Variants in PRKG1 observed in about 807,000 individuals in gnomAD.
PRKG1 encodes the protein protein kinase cGMP-dependent 1.
A neutral mutation model predicts 88.1 loss-of-function variants in PRKG1; 35 were observed. The ratio of observed to expected loss-of-function variants is 0.40; its 90% CI spans 0.30 to 0.53. The LOEUF is 0.53. PRKG1 is among the 20% of genes least tolerant of loss of function. PRKG1 has a pLI of 0.59. For synonymous variants in PRKG1, 303 were observed against 292.5 expected (o/e 1.04, Z -0.37); for missense variants, 540 against 839.8 (o/e 0.64, Z 4.41).
intron 8 of PRKG1, among the ~76,000 whole-genome samples, chr10:52,159,613 GT>G (rs559637593): frequency 6.6e-6 from 1 of 151,630 alleles, no homozygotes; most frequent in East Asian, 1.9e-4. Context: ...ATTTTGTGGA[GT>G]TTTAATCTAG....
chr10:52,080,464 G>T (rs527494358), intron 7 of PRKG1, among the ~76,000 whole-genome samples: 1 of 152,136 alleles, frequency 6.6e-6, no homozygotes, highest in Non-Finnish European at 1.5e-5. Context: ...AAAAAACTTC[G>T]TAAAGATGGT....
chr10:52,013,410 C>T (rs576917006), intron 5 of PRKG1, among the ~76,000 whole-genome samples: 10 of 141,176 alleles, frequency 7.1e-5, no homozygotes, highest in African/African-American at 2.7e-4. Context: ...CAGAGCGAGA[C>T]TCCGTCTCAA....
chr10:51,801,211 G>A (rs1023030881), intron 3 of PRKG1, among the ~76,000 whole-genome samples: 2 of 152,080 alleles, frequency 1.3e-5, no homozygotes, highest in African/African-American at 2.4e-5. Context: ...TATGGTCTCT[G>A]TTGCAATTAC....
rs76490646 is a variant in PRKG1, at chr10:51,473,792, G to A, written c.592+5956G>A. The stretch of plus-strand genomic sequence containing the variant: ...TTAGCTGTTTTTGTTAGTTAATCCT[G>A]CAGAAGCAGCAGTTTTCCCACAAAA... On this transcript the variant is annotated intron_variant, in intron 3 of 17. Transcript: ENST00000373980. Among the ~76,000 whole-genome samples, 1,307 of 150,604 alleles carry A rather than the reference G, an allele frequency of 8.7e-3. 13 individuals are homozygous for A. Among genetic ancestry groups the A allele is most frequent in the African/African-American group, 0.03 (1,242 of 41,066 alleles).
intron 7 of PRKG1, among the ~76,000 whole-genome samples, chr10:52,121,882 G>A (rs1847826871): frequency 6.6e-6 from 1 of 152,022 alleles, no homozygotes; most frequent in South Asian, 2.1e-4. Flanking sequence ...TTTTTTTCCT[G>A]GGCTGCTGCT....
chr10:51,998,492 T>G (rs563620260), intron 5 of PRKG1, among the ~76,000 whole-genome samples: 102 of 152,320 alleles, frequency 6.7e-4, no homozygotes, highest in African/African-American at 2.4e-3. Flanking sequence ...ATGATGCATT[T>G]GGAAAGATGT....
In PRKG1 at chr10:51,192,714, A is replaced by G. The variant is rs554012960; in HGVS notation, c.478+39384A>G. 2.6e-5 allele frequency among the ~76,000 whole-genome samples: 4 copies of G among 152,114 alleles called. No homozygotes were observed. In the East Asian group the frequency reaches 7.7e-4, roughly 29 times the overall value. ...CCCAAATTAACTTCTAAATTAATGG[A>G]TTATCAGTCAATATGATAAAGAGAA... is the stretch of plus-strand genomic sequence containing the variant. On this transcript the variant is annotated intron_variant, in intron 2 of 17. Transcript: ENST00000373980.
chr10:51,463,157 G>A (rs1187118495), intron 2 of PRKG1, among the ~76,000 whole-genome samples: 2 of 151,874 alleles, frequency 1.3e-5, no homozygotes, highest in East Asian at 3.9e-4. Context: ...CTAAACTGAA[G>A]TATTAAAACA....
In PRKG1 at chr10:51,712,580, C is replaced by CTT. The variant is rs60053336; in HGVS notation, c.593-91979_593-91978dup. On this transcript the variant is annotated intron_variant, in intron 3 of 17. Coordinates refer to ENST00000373980, the MANE Select transcript of PRKG1 (RefSeq NM_006258.4). ...AAATGTTGACTCTAAAATATTATTCCTTTTTTTTTTTTTTTTTTTTTTTTT... is the reference window on the plus strand; with the variant it reads ...AAATGTTGACTCTAAAATATTATTCCTTTTTTTTTTTTTTTTTTTTTTTTTTT... 1.9e-3 allele frequency among the ~76,000 whole-genome samples: 182 copies of CTT among 96,038 alleles called. 4 individuals carry two copies. The highest frequency in any genetic ancestry group is 2.4e-3 in the Non-Finnish European group (116 of 48,692). The allele number at this position is 96,038 out of a possible 152,430, so 63.0% of individuals were successfully genotyped here. A position where few individuals can be genotyped will look rare whatever the true frequency, so the allele number is the denominator to read the frequency against.
chr10:51,990,827 T>C (rs1184517846), intron 5 of PRKG1, among the ~76,000 whole-genome samples: 1 of 152,042 alleles, frequency 6.6e-6, no homozygotes, highest in Non-Finnish European at 1.5e-5. Context: ...TTTGGTTTTC[T>C]GTTTCTGTGT....
At chr10:52,110,911 A>G (rs1449856464) in intron 7 of PRKG1, among the ~76,000 whole-genome samples, 1 of 152,172 alleles carries the variant, frequency 6.6e-6, no homozygotes, top group Non-Finnish European at 1.5e-5. Context: ...AAAGTGCCCA[A>G]GCAGAAATGT....
chr10:51,755,042 A>G, intron 3 of PRKG1, among the ~76,000 whole-genome samples: 1 of 151,860 alleles, frequency 6.6e-6, no homozygotes, highest in East Asian at 1.9e-4. Flanking sequence ...ACACATATGT[A>G]TTAGCTACAT....
chr10:51,204,126 C>G (rs181148854), intron 2 of PRKG1, among the ~76,000 whole-genome samples: 1 of 152,274 alleles, frequency 6.6e-6, no homozygotes, highest in South Asian at 2.1e-4. Flanking sequence ...AAATTCATTT[C>G]CCCCTCTTTA....
chr10:51,399,891 C>CGGG (rs1157090537), intron 2 of PRKG1, among the ~76,000 whole-genome samples: 1 of 152,086 alleles, frequency 6.6e-6, no homozygotes, highest in African/African-American at 2.4e-5. Context: ...ATGTGGGTGC[C>CGGG]GGGGGCAGAG....
chr10:51,078,901 C>A (rs1031923541), intron 1 of PRKG1, among the ~76,000 whole-genome samples: 1 of 152,104 alleles, frequency 6.6e-6, no homozygotes, highest in Non-Finnish European at 1.5e-5. Flanking sequence ...CAGGTGTGAG[C>A]CACCGCACCC....
intron 1 of PRKG1, among the ~76,000 whole-genome samples, chr10:51,112,805 G>A (rs1439666204): frequency 6.6e-6 from 1 of 152,090 alleles, no homozygotes; most frequent in African/African-American, 2.4e-5. Context: ...TATGAGTTTA[G>A]TGTCGACCAT....
chr10:51,251,374 T>A (rs952517388), intron 2 of PRKG1, among the ~76,000 whole-genome samples: 1 of 151,792 alleles, frequency 6.6e-6, no homozygotes, highest in Non-Finnish European at 1.5e-5. Flanking sequence ...TTTGTGAGCA[T>A]GGATTGACCT....
At chr10:51,454,599 G>A (rs897260589) in intron 2 of PRKG1, among the ~76,000 whole-genome samples, 1 of 152,176 alleles carries the variant, frequency 6.6e-6, no homozygotes, top group African/African-American at 2.4e-5. Context: ...GTTCCACATG[G>A]CTGGGGAGGC....
intron 4 of PRKG1, among the ~76,000 whole-genome samples, chr10:51,863,235 G>C (rs889906742): frequency 1.3e-5 from 2 of 152,094 alleles, no homozygotes; most frequent in Non-Finnish European, 2.9e-5. Context: ...GCAGTATAGG[G>C]AAGTTAAGGG....
Sources: gnomAD v4.1 joint callset for allele counts (sites outside exome capture counted in the v4.1 genomes callset) on GRCh38, gnomAD v4.1.1 for gene constraint, MANE v1.5 for transcripts, NCBI Gene and HGNC (gene_info 2026-07-23, HGNC 2026-07-21) for gene names.